The following FARS2 variants were observed in gnomAD, a reference collection of about 807,000 sequenced individuals.
The protein encoded by FARS2 is phenylalanine--tRNA ligase, mitochondrial.
Under a neutral mutation model 46.4 loss-of-function variants are expected in FARS2, and 40 were observed. That is an observed-to-expected ratio of 0.86 (90% CI 0.67 to 1.12). The LOEUF is 1.12. Ranked by LOEUF, FARS2 falls within the 50% of genes most tolerant of loss-of-function variation. The probability of loss-of-function intolerance (pLI) is 0.00; values close to 1 mark genes in which losing one functional copy is unlikely to be tolerated. For synonymous variants in FARS2, 234 were observed against 214.9 expected (o/e 1.09, Z -0.78); for missense variants, 513 against 567.9 (o/e 0.90, Z 0.98).
upstream of FARS2, among the ~76,000 whole-genome samples, chr6:5,256,277 G>A (rs947071772): frequency 6.6e-6 from 1 of 151,672 alleles, no homozygotes; most frequent in Non-Finnish European, 1.5e-5. Context: ...ATCACCTTAG[G>A]TCAGGAGTTC....
At chr6:5,530,654 T>C (rs1219534918) in intron 4 of FARS2, among the ~76,000 whole-genome samples, 2 of 147,630 alleles carry the variant, frequency 1.4e-5, no homozygotes, top group African/African-American at 4.9e-5. Context: ...TATTTAAAAA[T>C]ATATTTATAT....
intron 4 of FARS2, among the ~76,000 whole-genome samples, chr6:5,436,777 G>T (rs1447171301): frequency 1.3e-5 from 2 of 152,158 alleles, no homozygotes; most frequent in African/African-American, 2.4e-5. Flanking sequence ...GAGTCTGGAG[G>T]TCTGGGATGG....
intron 3 of FARS2, 52 bp downstream of exon 3, chr6:5,404,753 G>A: frequency 9.1e-7 from 1 of 1,104,128 alleles, no homozygotes; most frequent in South Asian, 2.1e-5. Context: ...ACTTGGGACA[G>A]AAGTGTTTTG....
rs1192128961 is a variant in FARS2, at chr6:5,342,754, GA to G, written c.-21-25782del. ...GCAACAAGAGCGAGACTCTGTCTAAGAAAAAAAAAAAAAAGAAAAAGAATAT... is the reference window on the plus strand; with the variant it reads ...GCAACAAGAGCGAGACTCTGTCTAAGAAAAAAAAAAAAAGAAAAAGAATAT... On this transcript the variant is annotated intron_variant, in intron 1 of 6. Coordinates refer to ENST00000274680, the MANE Select transcript of FARS2 (RefSeq NM_006567.5). 8.3e-3 allele frequency among the ~76,000 whole-genome samples: 866 copies of G among 104,036 alleles called. 6 individuals carry two copies. The highest frequency in any genetic ancestry group is 0.023 in the Middle Eastern group (5 of 216). The allele number at this position is 104,036 out of a possible 152,430, so 68.3% of individuals were successfully genotyped here.
At position 5,275,415 on chromosome 6, in the gene FARS2, A is replaced by G. The variant is rs1348343283; in HGVS notation, c.-22+13755A>G. On this transcript the variant is annotated intron_variant, in intron 1 of 6. Coordinates refer to ENST00000274680, the MANE Select transcript of FARS2 (RefSeq NM_006567.5). ...AACTTTTTATAATTTAAAATTGTAC[A>G]AAGTAGATCTACATAATAGAAGGTT... Among the ~76,000 whole-genome samples, 4 of 152,242 alleles carry G rather than the reference A, an allele frequency of 2.6e-5. No homozygotes were observed. In the East Asian group the frequency reaches 7.7e-4, roughly 29 times the overall value.
intron 4 of FARS2, among the ~76,000 whole-genome samples, chr6:5,538,954 G>T (rs1412692516): frequency 6.6e-6 from 1 of 152,130 alleles, no homozygotes. Flanking sequence ...CCCCATGAGG[G>T]TCTGGTCCAT....
intron 6 of FARS2, among the ~76,000 whole-genome samples, chr6:5,692,225 G>C (rs1458621383): frequency 6.6e-6 from 1 of 152,228 alleles, no homozygotes; most frequent in African/African-American, 2.4e-5. Context: ...TGCCCAGTGA[G>C]ATGAACCCGG....
chr6:5,611,906 G>A (rs917692758), intron 5 of FARS2, among the ~76,000 whole-genome samples: 1 of 152,060 alleles, frequency 6.6e-6, no homozygotes, highest in Non-Finnish European at 1.5e-5. Context: ...CTAATTCTTG[G>A]CAATCTCAGT....
chr6:5,569,157 G>T (rs1772485758), intron 5 of FARS2, among the ~76,000 whole-genome samples: 1 of 151,940 alleles, frequency 6.6e-6, no homozygotes, highest in African/African-American at 2.4e-5. Context: ...TGGGAGCTGG[G>T]TAGATGAGAA....
intron 5 of FARS2, chr6:5,610,009 G>T: frequency 4.9e-6 from 5 of 1,021,106 alleles, no homozygotes; most frequent in African/African-American, 1.6e-5. Context: ...CTCCTCCGCA[G>T]TGGCATAGTG....
intron 6 of FARS2, among the ~76,000 whole-genome samples, chr6:5,682,393 C>T (rs569132844): frequency 6.6e-6 from 1 of 151,920 alleles, no homozygotes; most frequent in Non-Finnish European, 1.5e-5. Context: ...TATGCAAGAC[C>T]CTTGTATTTT....
upstream of FARS2, chr6:5,261,013 G>T: frequency 9.5e-7 from 1 of 1,051,198 alleles, no homozygotes; most frequent in South Asian, 3.7e-5. Context: ...TCCCGCCCCC[G>T]CCCGGAGGCT....
chr6:5,543,651 G>A (rs573535828), intron 4 of FARS2, among the ~76,000 whole-genome samples: 2 of 152,200 alleles, frequency 1.3e-5, no homozygotes, highest in South Asian at 2.1e-4. Flanking sequence ...GTGAGCCACC[G>A]CTCCTGGCCA....
intron 1 of FARS2, among the ~76,000 whole-genome samples, chr6:5,270,190 G>A (rs551412304): frequency 1.3e-5 from 2 of 152,318 alleles, no homozygotes; most frequent in East Asian, 3.9e-4. Flanking sequence ...AGCTTAGCAG[G>A]CAGCATACTT....
In FARS2 at chr6:5,289,737, T is replaced by G. The variant is rs373895288; in HGVS notation, c.-22+28077T>G. Among the ~76,000 whole-genome samples the G allele has an allele frequency of 1.2e-4, 18 of 152,250 alleles. No individual in the cohort carries two copies. In the South Asian group the frequency reaches 1.5e-3, roughly 12 times the overall value. ...GACTTGGCCTGTGACCAGTCTGATT[T>G]GTTGCAGGAGGGGACCAATCAGAGA... On this transcript the variant is annotated intron_variant, in intron 1 of 6. Coordinates refer to ENST00000274680, the MANE Select transcript of FARS2 (RefSeq NM_006567.5).
At chr6:5,676,220 T>C (rs1778759197) in intron 6 of FARS2, among the ~76,000 whole-genome samples, 1 of 152,340 alleles carries the variant, frequency 6.6e-6, no homozygotes, top group African/African-American at 2.4e-5. Context: ...GAAACACACT[T>C]GAACCGAGCG....
intron 4 of FARS2, among the ~76,000 whole-genome samples, chr6:5,517,684 A>G (rs1282277162): frequency 6.6e-6 from 1 of 152,184 alleles, no homozygotes; most frequent in Non-Finnish European, 1.5e-5. Context: ...ACTTAGTTCA[A>G]AAAAAGGAAT....
chr6:5,759,827 A>G lies in FARS2; in HGVS notation c.1218-11464A>G, dbSNP rs142957140. Among the ~76,000 whole-genome samples, 317 of 152,316 alleles carry G rather than the reference A, an allele frequency of 2.1e-3. 3 individuals carry two copies. Among genetic ancestry groups the G allele is most frequent in the Middle Eastern group, 0.01 (3 of 294 alleles). Reference sequence around the variant, plus strand: ...TGGGCTGCCCCACAAGGAATCCAACATAAGGCCTGGCAGAAAGAGCTCAAG... The same window carrying G: ...TGGGCTGCCCCACAAGGAATCCAACGTAAGGCCTGGCAGAAAGAGCTCAAG... On this transcript the variant is annotated intron_variant, in intron 6 of 6. Transcript: ENST00000274680.
intron 4 of FARS2, among the ~76,000 whole-genome samples, chr6:5,472,103 A>G (rs969615908): frequency 6.6e-6 from 1 of 152,118 alleles, no homozygotes; most frequent in African/African-American, 2.4e-5. Context: ...CTCCGACCTC[A>G]TTGCTGCCTG....
Sources: gnomAD v4.1 joint callset for allele counts (sites outside exome capture counted in the v4.1 genomes callset) on GRCh38, gnomAD v4.1.1 for gene constraint, MANE v1.5 for transcripts, NCBI Gene and HGNC (gene_info 2026-07-23, HGNC 2026-07-21) for gene names.